The following RNF216 variants were observed in gnomAD, a reference collection of about 807,000 sequenced individuals.
RNF216 encodes E3 ubiquitin-protein ligase RNF216.
A neutral mutation model predicts 110.8 loss-of-function variants in RNF216; 72 were observed. That is an observed-to-expected ratio of 0.65 (90% CI 0.54 to 0.79). The LOEUF is 0.79. RNF216 is among the 30% of genes least tolerant of loss of function. The probability of loss-of-function intolerance (pLI) is 0.00; values close to 1 mark genes in which losing one functional copy is unlikely to be tolerated. For synonymous variants in RNF216, 495 were observed against 407.5 expected, an observed-to-expected ratio of 1.21 and a Z score of -2.59; for missense variants, 1,342 against 1,141.2, an observed-to-expected ratio of 1.18 and a Z score of -2.54.
chr7:5,638,250 CT>C (rs1311099295), intron 15 of RNF216, among the ~76,000 whole-genome samples: 3 of 152,176 alleles, frequency 2.0e-5, no homozygotes, highest in Non-Finnish European at 2.9e-5. Context: ...TATAGAATTA[CT>C]TTTTGTACAA....
At chr7:5,671,853 G>A (rs1789940120) in intron 13 of RNF216, among the ~76,000 whole-genome samples, 1 of 148,940 alleles carries the variant, frequency 6.7e-6, no homozygotes, top group Admixed American at 6.7e-5. Flanking sequence ...CACCAGAGGA[G>A]TGCACAGAAA....
In RNF216 at chr7:5,705,424, A is replaced by G. The variant is rs907578323; in HGVS notation, c.2061+6337T>C. The stretch of plus-strand genomic sequence containing the variant: ...GCAACATATCACCTTCTAATCCTCT[A>G]CCTCTCAAATCTGCTCCTGTTCTCC... On this transcript the variant is annotated intron_variant, in intron 13 of 16. Transcript: ENST00000389902. Among the ~76,000 whole-genome samples the G allele has an allele frequency of 2.0e-5, 3 of 151,878 alleles. No individual in the cohort carries two copies. The South Asian group carries it at 6.3e-4, about 32-fold the overall frequency.
chr7:5,778,752 T>C (rs962612869), intron 1 of RNF216, among the ~76,000 whole-genome samples: 3 of 152,298 alleles, frequency 2.0e-5, no homozygotes, highest in African/African-American at 7.2e-5. Context: ...TTAAAATTAT[T>C]ATTATTTTTG....
chr7:5,634,120 C>T (rs1474269816), intron 15 of RNF216, among the ~76,000 whole-genome samples: 2 of 152,226 alleles, frequency 1.3e-5, no homozygotes, highest in Non-Finnish European at 2.9e-5. Context: ...AAAGCCTTTA[C>T]GGTCCTTTTG....
At chr7:5,755,040 A>G (rs1010521616) in intron 2 of RNF216, among the ~76,000 whole-genome samples, 18 of 151,492 alleles carry the variant, frequency 1.2e-4, no homozygotes, top group African/African-American at 4.4e-4. Flanking sequence ...GCTAAAAAAA[A>G]AAAAGGAAAC....
rs550336208 is a variant in RNF216 at position 5,721,817 on chromosome 7, T to C, written c.1505-645A>G. ...AGGGGCTGAAGGAACAGTACCTAGATTCACCACAATATATTATAACATGAG... is the reference window on the plus strand; with the variant it reads ...AGGGGCTGAAGGAACAGTACCTAGACTCACCACAATATATTATAACATGAG... On this transcript the variant is annotated intron_variant, in intron 8 of 16. Transcript: ENST00000389902. Among the ~76,000 whole-genome samples the C allele has an allele frequency of 2.6e-5, 4 of 152,372 alleles. No homozygotes were observed. The East Asian group carries it at 7.7e-4, about 29-fold the overall frequency.
intron 1 of RNF216, among the ~76,000 whole-genome samples, chr7:5,776,916 AAG>A (rs1253038548): frequency 1.2e-4 from 17 of 147,416 alleles, no homozygotes; most frequent in African/African-American, 2.2e-4. Context: ...AAAAAAAAAA[AAG>A]AGAGAGAGAA....
intron 13 of RNF216, among the ~76,000 whole-genome samples, chr7:5,668,373 A>G (rs1789667416): frequency 6.6e-6 from 1 of 151,862 alleles, no homozygotes; most frequent in East Asian, 1.9e-4. Context: ...ATAGGCACCC[A>G]CCACCACGCC....
chr7:5,780,813 T>C (rs1390783530), intron 1 of RNF216, among the ~76,000 whole-genome samples: 4 of 152,170 alleles, frequency 2.6e-5, no homozygotes, highest in Non-Finnish European at 4.4e-5. Flanking sequence ...TACAGAGCCC[T>C]GTCGGATTTG....
At chr7:5,727,176 A>T (rs1793811663) in intron 7 of RNF216, among the ~76,000 whole-genome samples, 1 of 152,194 alleles carries the variant, frequency 6.6e-6, no homozygotes, top group Non-Finnish European at 1.5e-5. Flanking sequence ...CTTAATCCCC[A>T]GTGTGGCGGT....
At chr7:5,698,721 C>T (rs1235246094) in intron 13 of RNF216, among the ~76,000 whole-genome samples, 1 of 152,156 alleles carries the variant, frequency 6.6e-6, no homozygotes, top group African/African-American at 2.4e-5. Context: ...TAGTTTAAGT[C>T]TGTTTTCCCA....
chr7:5,628,318 T>C (rs1259456687), intron 15 of RNF216, among the ~76,000 whole-genome samples: 4 of 152,180 alleles, frequency 2.6e-5, no homozygotes, highest in Non-Finnish European at 5.9e-5. Flanking sequence ...TCAGCTACAA[T>C]GACCTACAAT....
At position 5,624,807 on chromosome 7, in the gene RNF216, G is replaced by A. The variant is rs371759259; in HGVS notation, c.2383-682C>T. Among the ~76,000 whole-genome samples the A allele has an allele frequency of 6.0e-4, 91 of 152,364 alleles. No individual in the cohort carries two copies. Among genetic ancestry groups the A allele is most frequent in the African/African-American group, 1.9e-3 (78 of 41,590 alleles). On this transcript the variant is annotated intron_variant, in intron 15 of 16. Coordinates refer to ENST00000389902, the MANE Select transcript of RNF216 (RefSeq NM_207111.4). The surrounding 1 kb of genome is among the most constrained non-coding windows in gnomAD (Gnocchi z 4.4). ...GCACTGTGAGTGCAGGCAGATGTGGGAGCTGTGCTGGGAAACTCAGGGGCC... is the reference window on the plus strand; with the variant it reads ...GCACTGTGAGTGCAGGCAGATGTGGAAGCTGTGCTGGGAAACTCAGGGGCC...
intron 2 of RNF216, 68 bp from the exon 3 acceptor site, chr7:5,753,047 C>G: frequency 1.3e-6 from 2 of 1,530,706 alleles, no homozygotes; most frequent in Non-Finnish European, 1.8e-6. Flanking sequence ...TTAAGTTTTT[C>G]CTGACAGGGG....
intron 1 of RNF216, among the ~76,000 whole-genome samples, chr7:5,772,340 G>T (rs1274786066): frequency 6.6e-6 from 1 of 152,226 alleles, no homozygotes; most frequent in South Asian, 2.1e-4. Context: ...CATAGTAACA[G>T]AAAAAATTCC....
intron 13 of RNF216, among the ~76,000 whole-genome samples, chr7:5,695,272 C>A (rs368506692): frequency 6.6e-6 from 1 of 152,192 alleles, no homozygotes; most frequent in African/African-American, 2.4e-5. Context: ...AAACCACCTG[C>A]GCAGACCCAG....
chr7:5,763,490 C>G (rs575294000), intron 1 of RNF216, among the ~76,000 whole-genome samples: 2 of 152,092 alleles, frequency 1.3e-5, no homozygotes, highest in East Asian at 1.9e-4. Context: ...ATTAGCCAGG[C>G]GTGGTGGCAG....
intron 14 of RNF216, chr7:5,650,110 C>T (rs1433470790): frequency 6.6e-6 from 1 of 152,178 alleles, no homozygotes; most frequent in African/African-American, 2.4e-5. Context: ...CTATGAAGTT[C>T]TGGTGGTCTG....
At position 5,622,478 on chromosome 7, in the gene RNF216, T is replaced by A. The variant is rs912155033; in HGVS notation, c.*382A>T. On this transcript the variant is annotated 3_prime_UTR_variant, in exon 17 of 17. Coordinates refer to ENST00000389902, the MANE Select transcript of RNF216 (RefSeq NM_207111.4). ...TGCCCTTGGCCCAACCGTGGGCCCCTCCAGGGAGATGCTCTCGGCTGCCTT... is the reference window on the plus strand; with the variant it reads ...TGCCCTTGGCCCAACCGTGGGCCCCACCAGGGAGATGCTCTCGGCTGCCTT... 1.1e-5 allele frequency: 2 copies of A among 184,548 alleles called. No homozygotes were observed. The highest frequency in any genetic ancestry group is 2.2e-5 in the Non-Finnish European group (2 of 89,682). 11.4% of individuals were successfully genotyped at this position (184,548 alleles called of 1,614,324 possible). A position where few individuals can be genotyped will look rare whatever the true frequency, so the allele number is the denominator to read the frequency against.
Sources: gnomAD v4.1 joint callset for allele counts (sites outside exome capture counted in the v4.1 genomes callset) on GRCh38, gnomAD v4.1.1 for gene constraint, Gnocchi (gnomAD v3.1) non-coding constraint, MANE v1.5 for transcripts, NCBI Gene and HGNC (gene_info 2026-07-23, HGNC 2026-07-21) for gene names.